Variants in ARMC1 observed in about 807,000 individuals in gnomAD.
The protein encoded by ARMC1 is armadillo repeat containing 1.
In ARMC1, 16 loss-of-function variants were observed where a neutral mutation model predicts 31.4. The ratio of observed to expected loss-of-function variants is 0.51; its 90% CI spans 0.34 to 0.77. The LOEUF is 0.77. Among genes scored for constraint, ARMC1 ranks in the 30% least tolerant of loss-of-function variants. The pLI is 0.01. For missense variants in ARMC1, 259 were observed against 347.5 expected, an observed-to-expected ratio of 0.75 and a Z score of 2.02; for synonymous variants, 114 against 118.9, an observed-to-expected ratio of 0.96 and a Z score of 0.27.
intron 1 of ARMC1, among the ~76,000 whole-genome samples, chr8:65,631,818 C>T (rs1808650319): frequency 6.6e-6 from 1 of 150,894 alleles, no homozygotes; most frequent in Non-Finnish European, 1.5e-5. Context: ...CTACAGTGTG[C>T]TATGATCTTG....
Position 65,627,230 on chromosome 8 carries a change from G to A in ARMC1, c.169C>T (p.His57Tyr). 6.4e-7 allele frequency: 1 copy of A among 1,574,408 alleles called. No homozygotes were observed. The highest frequency in any genetic ancestry group is 8.6e-7 in the Non-Finnish European group (1 of 1,157,412). ...AGGCAACTTACAAGCAAAGCGGAGT[G>A]GACGACTGGAGGGTTGGGATGGTCC... ...FMDHPNPPVV[H>Y]SALLALRYLA... The change falls in exon 2 of 7, where the codon CAC becomes TAC. Residue 57 changes from histidine to tyrosine, a missense_variant. His to Tyr is a moderately conservative substitution (Grantham distance 83). Coordinates refer to ENST00000276569, the MANE Select transcript of ARMC1 (RefSeq NM_018120.6).
intron 1 of ARMC1, among the ~76,000 whole-genome samples, chr8:65,628,767 G>A (rs1278387133): frequency 1.3e-5 from 2 of 151,346 alleles, no homozygotes; most frequent in African/African-American, 2.4e-5. Flanking sequence ...TGAGGCAGGA[G>A]AATTTATTAA....
chr8:65,607,555 C>T (rs900330812), intron 4 of ARMC1, among the ~76,000 whole-genome samples: 6 of 152,186 alleles, frequency 3.9e-5, no homozygotes, highest in African/African-American at 1.4e-4. Context: ...CCTGCCTCCT[C>T]CAACTATGCT....
At chr8:65,605,895 T>C (rs752438229) in intron 4 of ARMC1, among the ~76,000 whole-genome samples, 49 of 152,098 alleles carry the variant, frequency 3.2e-4, no homozygotes, top group African/African-American at 7.2e-4. Context: ...AGCTCACGGG[T>C]GGGGAAAACT....
At position 65,604,854 on chromosome 8, in the gene ARMC1, C is replaced by T. The variant is rs115554303; in HGVS notation, c.658-269G>A. On this transcript the variant is annotated intron_variant, in intron 6 of 6. Coordinates refer to ENST00000276569, the MANE Select transcript of ARMC1 (RefSeq NM_018120.6). ...CTGCAGCCACTGGATAGCCATGGAACCTCCCATCTATGAGATGGGAACCCA... is the reference window on the plus strand; with the variant it reads ...CTGCAGCCACTGGATAGCCATGGAATCTCCCATCTATGAGATGGGAACCCA... 2.0e-3 allele frequency among the ~76,000 whole-genome samples: 310 copies of T among 152,266 alleles called. 1 individual carries two copies. Among genetic ancestry groups the T allele is most frequent in the African/African-American group, 7.2e-3 (301 of 41,556 alleles).
chr8:65,630,092 C>T (rs1808609189), intron 1 of ARMC1, among the ~76,000 whole-genome samples: 1 of 152,072 alleles, frequency 6.6e-6, no homozygotes, highest in African/African-American at 2.4e-5. Context: ...TTGCAGTGAG[C>T]CGAGATTGTG....
chr8:65,611,234 C>T (rs898455045), intron 4 of ARMC1, among the ~76,000 whole-genome samples: 23 of 152,124 alleles, frequency 1.5e-4, no homozygotes, highest in African/African-American at 5.3e-4. Flanking sequence ...ATGCCCGGCC[C>T]TCACTTACCC....
chr8:65,609,630 C>T (rs191193211), intron 4 of ARMC1, among the ~76,000 whole-genome samples: 164 of 152,144 alleles, frequency 1.1e-3, no homozygotes, highest in African/African-American at 3.7e-3. Context: ...GAGGCCAAGG[C>T]GGGTGGATCA....
intron 3 of ARMC1, among the ~76,000 whole-genome samples, chr8:65,620,874 A>G (rs1405944941): frequency 1.3e-5 from 2 of 151,556 alleles, no homozygotes; most frequent in South Asian, 2.1e-4. Flanking sequence ...AGGCTGAGGC[A>G]GAAGGATTGC....
intron 1 of ARMC1, among the ~76,000 whole-genome samples, chr8:65,630,897 A>G (rs1037534808): frequency 2.0e-5 from 3 of 152,178 alleles, no homozygotes; most frequent in African/African-American, 7.2e-5. Flanking sequence ...GCATCTGCAC[A>G]GGATCCATCA....
intron 1 of ARMC1, among the ~76,000 whole-genome samples, chr8:65,629,154 CAAA>C (rs761505047): frequency 2.6e-5 from 2 of 77,038 alleles, no homozygotes. Flanking sequence ...GACTCCATCT[CAAA>C]AAAAAAAAAA....
In ARMC1 at chr8:65,602,692, G is replaced by C. The variant is rs1807916636; in HGVS notation, c.*1702C>G. 1 of 152,088 alleles carries C rather than the reference G, an allele frequency of 6.6e-6. No homozygotes were observed. The highest frequency in any genetic ancestry group is 6.6e-5 in the Admixed American group (1 of 15,250). The allele number at this position is 152,088 out of a possible 1,614,324, so 9.4% of individuals were successfully genotyped here. ...TGCAAAATAAAATACAAATTTGTTA[G>C]AACAGTAAAGTTTGCTTTAATGGCT... On this transcript the variant is annotated 3_prime_UTR_variant, in exon 7 of 7. Transcript: ENST00000276569.
chr8:65,631,737 A>C (rs1207440106), intron 1 of ARMC1, among the ~76,000 whole-genome samples: 1 of 152,182 alleles, frequency 6.6e-6, no homozygotes, highest in Non-Finnish European at 1.5e-5. Context: ...TTTGATAAAA[A>C]TGTCCGCCTT....
intron 2 of ARMC1, among the ~76,000 whole-genome samples, chr8:65,625,076 G>A (rs939642368): frequency 6.6e-6 from 1 of 152,194 alleles, no homozygotes; most frequent in Admixed American, 6.5e-5. Context: ...AGCCAAGATT[G>A]TGCCATTGCT....
chr8:65,614,912 C>T (rs1395628625), intron 3 of ARMC1, among the ~76,000 whole-genome samples: 6 of 152,156 alleles, frequency 3.9e-5, no homozygotes, highest in African/African-American at 1.4e-4. Flanking sequence ...ATTCAGAGTA[C>T]TATGCTTGTA....
intron 1 of ARMC1, among the ~76,000 whole-genome samples, chr8:65,629,409 A>C (rs570307113): frequency 2.0e-5 from 3 of 152,338 alleles, no homozygotes; most frequent in East Asian, 3.9e-4. Flanking sequence ...GCAGATAGGC[A>C]AAATGAGGAG....
intron 4 of ARMC1, among the ~76,000 whole-genome samples, chr8:65,607,942 C>T (rs1447684652): frequency 1.3e-5 from 2 of 151,786 alleles, no homozygotes; most frequent in Admixed American, 1.3e-4. Context: ...GAAAAAATAC[C>T]CCTGCACTCT....
At chr8:65,620,890 C>A (rs1319540160) in intron 3 of ARMC1, among the ~76,000 whole-genome samples, 1 of 151,568 alleles carries the variant, frequency 6.6e-6, no homozygotes, top group Non-Finnish European at 1.5e-5. Flanking sequence ...ATTGCTTGAT[C>A]CCAGGACAGC....
chr8:65,623,819 T>TG (rs1409123865), intron 2 of ARMC1, among the ~76,000 whole-genome samples: 1 of 82,164 alleles, frequency 1.2e-5, no homozygotes, highest in Admixed American at 1.5e-4. Flanking sequence ...TTTGGTGTGA[T>TG]GGAGTTTTTG....
Sources: gnomAD v4.1 joint callset for allele counts (sites outside exome capture counted in the v4.1 genomes callset) on GRCh38, gnomAD v4.1.1 for gene constraint, MANE v1.5 for transcripts, NCBI Gene and HGNC (gene_info 2026-07-23, HGNC 2026-07-21) for gene names.